Variants in GLDC observed in about 807,000 individuals in gnomAD.
The protein encoded by GLDC is glycine decarboxylase, also known as glycine dehydrogenase (decarboxylating), mitochondrial.
Under a neutral mutation model 121.3 loss-of-function variants are expected in GLDC, and 104 were observed. The ratio of observed to expected loss-of-function variants is 0.86; its 90% CI spans 0.73 to 1.01. GLDC has a LOEUF of 1.01. Ranked by LOEUF, GLDC falls within the 50% of genes least tolerant of loss-of-function variation. GLDC has a pLI of 0.00. For missense variants in GLDC, 1,429 were observed against 1,306.6 expected (o/e 1.09, Z -1.44); for synonymous variants, 546 against 480.6 (o/e 1.14, Z -1.78).
chr9:6,619,145 GCAAAAAAAAAAAA>G (rs1473420806), intron 3 of GLDC, among the ~76,000 whole-genome samples: 2 of 30,196 alleles, frequency 6.6e-5, no homozygotes, highest in Admixed American at 1.0e-3. Flanking sequence ...TCTGTCTCAG[GCAAAAAAAAAAAA>G]AAAAAAAAAA....
chr9:6,539,232 C>T (rs1433060173), intron 22 of GLDC, among the ~76,000 whole-genome samples: 2 of 152,128 alleles, frequency 1.3e-5, no homozygotes, highest in Non-Finnish European at 2.9e-5. Context: ...AATCCCAGCA[C>T]TTTCGGAGGC....
chr9:6,581,604 G>C (rs188211472), intron 15 of GLDC, among the ~76,000 whole-genome samples: 1 of 152,122 alleles, frequency 6.6e-6, no homozygotes, highest in African/African-American at 2.4e-5. Flanking sequence ...GGTCTATGTC[G>C]CTCTCATGGG....
At chr9:6,626,364 G>A (rs922231978) in intron 2 of GLDC, among the ~76,000 whole-genome samples, 4 of 152,210 alleles carry the variant, frequency 2.6e-5, no homozygotes, top group African/African-American at 9.7e-5. Context: ...ATTGACTACA[G>A]AAGGAGCAGG....
chr9:6,546,585 T>C (rs1817395459), intron 21 of GLDC, among the ~76,000 whole-genome samples: 1 of 152,142 alleles, frequency 6.6e-6, no homozygotes, highest in South Asian at 2.1e-4. Context: ...CAATGCCTTC[T>C]TCTGGAATAC....
intron 11 of GLDC, among the ~76,000 whole-genome samples, 158 bp from the exon 12 acceptor site, chr9:6,589,450 A>T (rs1818334567): frequency 6.6e-6 from 1 of 151,970 alleles, no homozygotes; most frequent in Admixed American, 6.6e-5. Context: ...ATATTTTTGG[A>T]GGCAGGGTCT....
Position 6,554,676 on chromosome 9 carries a change from T to C in GLDC, c.2308A>G (p.Ile770Val), listed in dbSNP as rs762611136. 3 of 1,609,052 alleles carry C rather than the reference T, an allele frequency of 1.9e-6. No individual in the cohort carries two copies. The highest frequency in any genetic ancestry group is 2.2e-5 in the East Asian group (1 of 44,876). Residue 770 changes from isoleucine (I) to valine (V), a missense_variant, in exon 19 of 25, where the codon ATC (isoleucine) becomes GTC (valine). Coordinates refer to ENST00000321612, the MANE Select transcript of GLDC (RefSeq NM_000170.3). ...CAGCAGCCCAGAACTTACACTCCGA[T>C]GGGCCCCATGCCAGGACCACCTCCT... ...HGGGGPGMGPIGVKKHLAPFL... is the reference protein window; with the variant it reads ...HGGGGPGMGPVGVKKHLAPFL...
intron 21 of GLDC, among the ~76,000 whole-genome samples, chr9:6,550,179 C>A (rs1255899214): frequency 6.6e-6 from 1 of 152,214 alleles, no homozygotes; most frequent in East Asian, 1.9e-4. Context: ...TTACTCTACT[C>A]TTTCAAGGCA....
intron 2 of GLDC, among the ~76,000 whole-genome samples, chr9:6,628,895 A>G (rs967325655): frequency 3.3e-5 from 5 of 152,172 alleles, no homozygotes; most frequent in Non-Finnish European, 5.9e-5. Flanking sequence ...CTTTTCTTGC[A>G]GAATAAATGC....
In GLDC at chr9:6,540,090, T is replaced by C. The variant is rs1485044852; in HGVS notation, c.2626A>G (p.Ile876Val). 6.2e-7 allele frequency: 1 copy of C among 1,613,514 alleles called. No homozygotes were observed. The highest frequency in any genetic ancestry group is 1.7e-5 in the Admixed American group (1 of 60,030). ...CTCTTGGCCACATCCACAGCCTCAA[T>C]ATTTGCAGACTTTTTGAAGGGTCTC... is the stretch of plus-strand genomic sequence containing the variant. ...DTRPFKKSAN[I>V]EAVDVAKRLQ... is the part of the protein sequence containing the mutation. The change falls in exon 22 of 25, where the codon ATT becomes GTT. Residue 876 changes from isoleucine to valine, a missense_variant. Transcript: ENST00000321612.
At chr9:6,538,324 G>T (rs1223480519) in intron 22 of GLDC, among the ~76,000 whole-genome samples, 1 of 152,146 alleles carries the variant, frequency 6.6e-6, no homozygotes, top group Non-Finnish European at 1.5e-5. Context: ...AACATGCCAG[G>T]TGATTCTGAT....
chr9:6,597,879 G>A (rs1188552918), intron 8 of GLDC, among the ~76,000 whole-genome samples: 2 of 152,068 alleles, frequency 1.3e-5, no homozygotes, highest in Non-Finnish European at 2.9e-5. Flanking sequence ...GAGCTTCAGT[G>A]AGCGAGATGG....
chr9:6,565,598 A>G lies in GLDC; in HGVS notation c.1851-169T>C, dbSNP rs1817840557. ...GCTCTGCTGGAGTCAAAAGGTCTTG[A>G]ACAATCAAAACAATCAAAGCAACAG... On this transcript the variant is annotated intron_variant, in intron 15 of 24. Transcript: ENST00000321612. The G allele has an allele frequency of 4.4e-6, 3 of 683,700 alleles. No homozygotes were observed. In the Admixed American group the frequency reaches 6.3e-5, roughly 14 times the overall value. 42.4% of individuals were successfully genotyped at this position (683,700 alleles called of 1,614,324 possible). A position where few individuals can be genotyped will look rare whatever the true frequency, so the allele number is the denominator to read the frequency against.
chr9:6,555,366 G>GATGGTGACC (rs1175147577), intron 18 of GLDC, among the ~76,000 whole-genome samples: 3 of 152,142 alleles, frequency 2.0e-5, no homozygotes, highest in Non-Finnish European at 4.4e-5. Flanking sequence ...GACTAATTTT[G>GATGGTGACC]ATGGTGACCA....
rs1293153237 is a variant in GLDC at position 6,556,199 on chromosome 9, T to C, written c.2156A>G (p.Gln719Arg). 2 of 1,612,904 alleles carry C rather than the reference T, an allele frequency of 1.2e-6. No individual in the cohort carries two copies. The highest frequency in any genetic ancestry group is 1.3e-5 in the African/African-American group (1 of 74,898). ...GTCTAGGTAGACCTGTCCTCCATGT[T>C]GATGGATGAGGTCACACACGTCACT... ...NISDVCDLIH[Q>R]HGGQVYLDGA... The change falls in exon 18 of 25, where the codon CAA becomes CGA. Residue 719 changes from glutamine (Q) to arginine (R), a missense_variant. Gln to Arg is a conservative substitution (Grantham distance 43, BLOSUM62 1). Transcript: ENST00000321612.
intron 15 of GLDC, among the ~76,000 whole-genome samples, chr9:6,575,489 T>C (rs1216750048): frequency 1.3e-5 from 2 of 152,188 alleles, no homozygotes; most frequent in Non-Finnish European, 2.9e-5. Flanking sequence ...AGAAACTCTG[T>C]AGGGTGAGGC....
intron 22 of GLDC, among the ~76,000 whole-genome samples, chr9:6,539,352 A>T (rs1817204532): frequency 6.6e-6 from 1 of 152,026 alleles, no homozygotes; most frequent in Non-Finnish European, 1.5e-5. Flanking sequence ...GGTGGTGTGC[A>T]CCTGTAGTCC....
chr9:6,579,989 G>A (rs1310966298), intron 15 of GLDC, among the ~76,000 whole-genome samples: 1 of 152,220 alleles, frequency 6.6e-6, no homozygotes, highest in Admixed American at 6.5e-5. Flanking sequence ...GGCAGTGGGA[G>A]CATCACTGGG....
chr9:6,613,668 C>T lies in GLDC; in HGVS notation c.471-3312G>A, dbSNP rs529546023. On this transcript the variant is annotated intron_variant, in intron 3 of 24. Coordinates refer to ENST00000321612, the MANE Select transcript of GLDC (RefSeq NM_000170.3). ...TTAACGAGTTCCTTCCAGTTGAATA[C>T]TTTTGATTTCAAATATTAGAAATAG... Among the ~76,000 whole-genome samples the T allele has an allele frequency of 9.9e-5, 15 of 152,240 alleles. No homozygotes were observed. The East Asian group carries it at 2.5e-3, about 25-fold the overall frequency.
chr9:6,537,822 T>A (rs1030633787), intron 22 of GLDC, among the ~76,000 whole-genome samples: 2 of 152,054 alleles, frequency 1.3e-5, no homozygotes, highest in African/African-American at 2.4e-5. Flanking sequence ...TTGAAAGGAC[T>A]GTAGGTGAGC....
Sources: allele counts gnomAD v4.1 joint callset (sites outside exome capture counted in the v4.1 genomes callset), GRCh38; gene constraint gnomAD v4.1.1; transcripts MANE v1.5; gene names NCBI Gene and HGNC (gene_info 2026-07-23, HGNC 2026-07-21).